The following ST7 variants were observed in gnomAD, a reference collection of about 807,000 sequenced individuals.
The protein encoded by ST7 is suppressor of tumorigenicity 7 protein.
Under a neutral mutation model 78.7 loss-of-function variants are expected in ST7, and 28 were observed. The observed-to-expected ratio is 0.36, with a 90% CI of 0.26 to 0.49. The LOEUF is 0.49. ST7 is among the 20% of genes least tolerant of loss of function. The pLI is 0.99. For synonymous variants in ST7, 247 were observed against 249.6 expected, an observed-to-expected ratio of 0.99 and a Z score of 0.10; for missense variants, 418 against 696.0, an observed-to-expected ratio of 0.60 and a Z score of 4.49.
At chr7:116,965,256 C>T (rs1289842597) in intron 1 of ST7, among the ~76,000 whole-genome samples, 4 of 150,128 alleles carry the variant, frequency 2.7e-5, no homozygotes, top group Middle Eastern at 3.5e-3. Context: ...CGGAGAATGG[C>T]GTGAACCCGG....
At chr7:117,178,450 C>G (rs1321560963) in intron 10 of ST7, among the ~76,000 whole-genome samples, 1 of 152,168 alleles carries the variant, frequency 6.6e-6, no homozygotes, top group Non-Finnish European at 1.5e-5. Context: ...TGCCCCCCTA[C>G]TTTCATCTCA....
intron 1 of ST7, among the ~76,000 whole-genome samples, chr7:116,957,335 G>T (rs1241136174): frequency 6.6e-6 from 1 of 151,986 alleles, no homozygotes; most frequent in Non-Finnish European, 1.5e-5. Context: ...AATAGGAATA[G>T]TACATAGTGG....
intron 1 of ST7, among the ~76,000 whole-genome samples, chr7:117,003,855 G>A (rs1027524899): frequency 1.3e-5 from 2 of 152,128 alleles, no homozygotes; most frequent in African/African-American, 4.8e-5. Context: ...TGCAATTATT[G>A]CTAATTTGAT....
At chr7:116,958,976 G>A (rs1792680168) in intron 1 of ST7, among the ~76,000 whole-genome samples, 1 of 152,150 alleles carries the variant, frequency 6.6e-6, no homozygotes, top group South Asian at 2.1e-4. Context: ...CAACCGTAAA[G>A]TTTGCCACAT....
intron 12 of ST7, among the ~76,000 whole-genome samples, chr7:117,207,937 T>C (rs2116001702): frequency 6.6e-6 from 1 of 152,036 alleles, no homozygotes; most frequent in South Asian, 2.1e-4. Flanking sequence ...AAGTTATTTA[T>C]TTTTTTTCAT....
chr7:116,977,859 T>G (rs1357843515), intron 1 of ST7, among the ~76,000 whole-genome samples: 1 of 152,164 alleles, frequency 6.6e-6, no homozygotes, highest in African/African-American at 2.4e-5. Flanking sequence ...GGCCGAGTGG[T>G]GGTATTTTTA....
At chr7:117,116,620 C>T (rs532085615) in intron 2 of ST7, among the ~76,000 whole-genome samples, 4 of 152,192 alleles carry the variant, frequency 2.6e-5, no homozygotes, top group South Asian at 4.1e-4. Context: ...ATTAGAAGGA[C>T]GGGGTCCTTT....
At chr7:117,197,463 CAT>C (rs772551605) in intron 12 of ST7, among the ~76,000 whole-genome samples, 4 of 152,176 alleles carry the variant, frequency 2.6e-5, no homozygotes, top group Non-Finnish European at 5.9e-5. Flanking sequence ...ATTACTAAGT[CAT>C]GTGTAGAAGC....
chr7:117,050,798 C>T (rs570630626), intron 1 of ST7, among the ~76,000 whole-genome samples: 5 of 152,128 alleles, frequency 3.3e-5, no homozygotes, highest in East Asian at 1.9e-4. Flanking sequence ...GGCGTGATGG[C>T]GCACGCCTGT....
intron 7 of ST7, 59 bp from the exon 8 acceptor site, chr7:117,136,022 C>T (rs1804763364): frequency 6.4e-7 from 1 of 1,572,630 alleles, no homozygotes. Context: ...TGAGCTCCTA[C>T]AGTCTATTAC....
Position 117,138,454 on chromosome 7 carries a change from G to T in ST7, c.885G>T (p.Leu295Phe). ...CTTCAGGACGAGACACCAATGTCTT[G>T]GTGTACATCAAAAGAAGGCTAGCAA... ...EAQHRRDTNV[L>F]VYIKRRLAMC... Residue 295 changes from leucine to phenylalanine, a missense_variant, in exon 9 of 16, where the codon TTG (leucine) becomes TTT (phenylalanine). Around this residue, in one of 4 missense-constraint regions of ST7, gnomAD observed 288 missense variants for 537.1 expected, o/e 0.54. Coordinates refer to ENST00000323984, the MANE Select transcript of ST7 (RefSeq NM_001369598.1). 1 of 1,607,858 alleles carries T rather than the reference G, an allele frequency of 6.2e-7. No homozygotes were observed. The highest frequency in any genetic ancestry group is 8.5e-7 in the Non-Finnish European group (1 of 1,176,704).
Position 117,213,752 on chromosome 7 carries a change from C to T in ST7, c.1405+3815C>T, listed in dbSNP as rs1316558722. The stretch of plus-strand genomic sequence containing the variant: ...GCCCCTGAAATTACACAATACGTTC[C>T]TCAAAGTCAAGATAATTAAGAAAGG... On this transcript the variant is annotated intron_variant, in intron 13 of 15. Transcript: ENST00000323984. Among the ~76,000 whole-genome samples the T allele has an allele frequency of 2.0e-5, 3 of 152,104 alleles. No homozygotes were observed. In the East Asian group the frequency reaches 5.8e-4, roughly 29 times the overall value.
At chr7:117,034,578 C>G (rs1395705819) in intron 1 of ST7, among the ~76,000 whole-genome samples, 1 of 152,152 alleles carries the variant, frequency 6.6e-6, no homozygotes, top group African/African-American at 2.4e-5. Context: ...AATTTATACC[C>G]TTGTAATGGT....
At chr7:117,212,636 G>T (rs1792384886) in intron 13 of ST7, among the ~76,000 whole-genome samples, 2 of 152,178 alleles carry the variant, frequency 1.3e-5, no homozygotes, top group Middle Eastern at 6.8e-3. Flanking sequence ...AAATGAAAGA[G>T]ACTGGAAGTA....
At chr7:117,217,772 A>G (rs1034136870) in intron 13 of ST7, among the ~76,000 whole-genome samples, 3 of 152,216 alleles carry the variant, frequency 2.0e-5, no homozygotes, top group African/African-American at 7.2e-5. Flanking sequence ...TACCTCAGCA[A>G]ACTGCCAGCA....
At chr7:117,016,368 A>G (rs1311220031) in intron 1 of ST7, among the ~76,000 whole-genome samples, 1 of 152,198 alleles carries the variant, frequency 6.6e-6, no homozygotes, top group Admixed American at 6.5e-5. Context: ...TCAAATTTGT[A>G]AAATCCTACC....
chr7:116,955,376 G>A (rs912508604), intron 1 of ST7, among the ~76,000 whole-genome samples: 3 of 152,152 alleles, frequency 2.0e-5, no homozygotes, highest in Non-Finnish European at 2.9e-5. Flanking sequence ...CATGTGGGGA[G>A]GTCCTTCTTG....
At chr7:117,128,309 A>G (rs1804032766) in intron 3 of ST7, 2 of 151,884 alleles carry the variant, frequency 1.3e-5, no homozygotes, top group South Asian at 4.1e-4. Flanking sequence ...GTGTGTTTCA[A>G]GCCATGATCT....
At chr7:117,086,681 A>T (rs754471608) in intron 1 of ST7, among the ~76,000 whole-genome samples, 4 of 151,992 alleles carry the variant, frequency 2.6e-5, no homozygotes, top group Non-Finnish European at 5.9e-5. Context: ...TTTTTTTTTT[A>T]AACTGGCTTG....
Sources: gnomAD v4.1 joint callset for allele counts (sites outside exome capture counted in the v4.1 genomes callset) on GRCh38, gnomAD v4.1.1 for gene constraint, gnomAD v4.1.1 regional missense constraint, MANE v1.5 for transcripts, NCBI Gene and HGNC (gene_info 2026-07-23, HGNC 2026-07-21) for gene names.